RGS6: variants seen among roughly 807,000 people sequenced by gnomAD.
RGS6 encodes regulator of G protein signaling 6.
RGS6 carries 30 observed loss-of-function variants against 78.5 expected under a neutral mutation model. That is an observed-to-expected ratio of 0.38 (90% CI 0.29 to 0.52). The LOEUF (loss-of-function observed/expected upper bound fraction) is 0.52, where lower values mean the gene tolerates loss of function less well. RGS6 is among the 20% of genes least tolerant of loss of function. The probability of loss-of-function intolerance (pLI) is 0.85; values close to 1 mark genes in which losing one functional copy is unlikely to be tolerated. For missense variants in RGS6, 495 were observed against 609.7 expected, an observed-to-expected ratio of 0.81 and a Z score of 1.98; for synonymous variants, 206 against 206.0, an observed-to-expected ratio of 1.00 and a Z score of 0.00.
intron 1 of RGS6, among the ~76,000 whole-genome samples, chr14:71,951,886 T>G (rs532929786): frequency 5.9e-5 from 9 of 152,316 alleles, no homozygotes; most frequent in African/African-American, 2.2e-4. Flanking sequence ...TTTAAAAATA[T>G]ATCATTTTCT....
intron 2 of RGS6, among the ~76,000 whole-genome samples, chr14:72,134,352 A>T (rs1452379441): frequency 6.6e-6 from 1 of 152,202 alleles, no homozygotes; most frequent in Non-Finnish European, 1.5e-5. Context: ...ATTAGGAATG[A>T]TGTTGACCAT....
At chr14:72,259,210 A>G (rs947183669) in intron 2 of RGS6, among the ~76,000 whole-genome samples, 1 of 152,230 alleles carries the variant, frequency 6.6e-6, no homozygotes, top group Admixed American at 6.5e-5. Context: ...CCAACATTTA[A>G]AAGAATCAGA....
chr14:72,601,331 AC>A, the RGS6 span, among the ~76,000 whole-genome samples: 5 of 146,250 alleles, frequency 3.4e-5, no homozygotes, highest in African/African-American at 1.3e-4. Context: ...CACCACCCCC[AC>A]CCCCGAATCT....
At chr14:71,901,250 T>C in the RGS6 span, among the ~76,000 whole-genome samples, 1 of 152,250 alleles carries the variant, frequency 6.6e-6, no homozygotes, top group South Asian at 2.1e-4. Context: ...ATTAACTATC[T>C]ATATCAAGAA....
chr14:72,558,089 T>C (rs928069460), intron 17 of RGS6, among the ~76,000 whole-genome samples: 1 of 152,148 alleles, frequency 6.6e-6, no homozygotes, highest in African/African-American at 2.4e-5. Flanking sequence ...CCGTGTAACG[T>C]ATACCCCATC....
At chr14:72,514,480 C>G (rs1279521024) in intron 14 of RGS6, among the ~76,000 whole-genome samples, 2 of 152,188 alleles carry the variant, frequency 1.3e-5, no homozygotes, top group African/African-American at 4.8e-5. Flanking sequence ...AAGGAGGCTC[C>G]CACTGGGGCA....
intron 13 of RGS6, among the ~76,000 whole-genome samples, chr14:72,509,680 C>G (rs1356053688): frequency 6.6e-6 from 1 of 152,216 alleles, no homozygotes; most frequent in Non-Finnish European, 1.5e-5. Context: ...TGTGTCAATA[C>G]ATTTCTGACC....
chr14:72,454,433 G>C (rs2095577567), intron 3 of RGS6, 95 bp from the exon 4 acceptor site: 3 of 1,298,026 alleles, frequency 2.3e-6, no homozygotes, highest in Admixed American at 1.7e-5. Context: ...AGTGTGGACT[G>C]TTTGGAATTA....
chr14:72,328,027 T>C (rs2074192547), intron 2 of RGS6, among the ~76,000 whole-genome samples: 1 of 152,088 alleles, frequency 6.6e-6, no homozygotes, highest in Non-Finnish European at 1.5e-5. Context: ...AAGCCAGTGG[T>C]AAAATTCAGC....
intron 2 of RGS6, among the ~76,000 whole-genome samples, chr14:72,257,282 A>AT (rs2057279313): frequency 6.6e-6 from 1 of 152,206 alleles, no homozygotes. Flanking sequence ...AAGCAGGCTC[A>AT]TTATTTCCAT....
intron 3 of RGS6, among the ~76,000 whole-genome samples, chr14:72,386,886 C>G (rs1486371835): frequency 1.3e-5 from 2 of 152,076 alleles, no homozygotes; most frequent in Non-Finnish European, 2.9e-5. Flanking sequence ...GAAAACAGAT[C>G]AATGATTTCC....
intron 3 of RGS6, among the ~76,000 whole-genome samples, chr14:72,356,055 TATA>T (rs2080208266): frequency 6.6e-6 from 1 of 152,198 alleles, no homozygotes; most frequent in Non-Finnish European, 1.5e-5. Context: ...ATCACTCTAT[TATA>T]TTCAGAATTC....
At chr14:71,890,358 C>CAGACACAG in the RGS6 span, among the ~76,000 whole-genome samples, 1 of 133,008 alleles carries the variant, frequency 7.5e-6, no homozygotes, top group African/African-American at 3.0e-5. Flanking sequence ...GTGCATAAGA[C>CAGACACAG]AGAGAGAGAG....
chr14:71,977,253 G>A (rs1344294773), intron 2 of RGS6, among the ~76,000 whole-genome samples: 1 of 73,318 alleles, frequency 1.4e-5, no homozygotes, highest in Non-Finnish European at 2.7e-5. Context: ...CTGTGCAGAA[G>A]CTCTTTAGTT....
In RGS6 at chr14:72,255,664, G is replaced by A. The variant is rs113746295; in HGVS notation, c.85-96431G>A. On this transcript the variant is annotated intron_variant, in intron 2 of 17. Transcript: ENST00000553525. ...TTAACTATTCAGTTGATACTTTTTC[G>A]TGAGGGCTTCAAAGAGGCTGATTTT... Among the ~76,000 whole-genome samples the A allele has an allele frequency of 4.4e-3, 663 of 152,196 alleles. 5 individuals are homozygous for A. The highest frequency in any genetic ancestry group is 0.015 in the African/African-American group (606 of 41,542).
chr14:72,625,007 T>C, the RGS6 span, among the ~76,000 whole-genome samples: 1 of 152,162 alleles, frequency 6.6e-6, no homozygotes, highest in Non-Finnish European at 1.5e-5. Context: ...AAAGTTACTG[T>C]TTTTCCCTTT....
chr14:72,192,011 A>C (rs2158990), intron 2 of RGS6, among the ~76,000 whole-genome samples: 65,734 of 151,532 alleles, frequency 0.43, 14,245 homozygotes, highest in Middle Eastern at 0.55. Context: ...AATACCTGGC[A>C]AGCAGACATG....
chr14:72,458,837 C>T (rs1386579655), intron 5 of RGS6, among the ~76,000 whole-genome samples: 1 of 152,154 alleles, frequency 6.6e-6, no homozygotes. Flanking sequence ...GCACTAATCT[C>T]ACCTGTGAGG....
At chr14:72,437,767 C>G in intron 3 of RGS6, among the ~76,000 whole-genome samples, 1 of 152,178 alleles carries the variant, frequency 6.6e-6, no homozygotes, top group East Asian at 1.9e-4. Flanking sequence ...ACATTCCACC[C>G]CGCAGTCTTC....
Sources: gnomAD v4.1 joint callset for allele counts (sites outside exome capture counted in the v4.1 genomes callset) on GRCh38, gnomAD v4.1.1 for gene constraint, MANE v1.5 for transcripts, NCBI Gene and HGNC (gene_info 2026-07-23, HGNC 2026-07-21) for gene names.